Variants in PLXNB1 observed in about 807,000 individuals in gnomAD.
PLXNB1 encodes the protein plexin B1, also known as plexin-B1.
A neutral mutation model predicts 209.4 loss-of-function variants in PLXNB1; 106 were observed. That is an observed-to-expected ratio of 0.51 (90% CI 0.43 to 0.59). The LOEUF is 0.59. Ranked by LOEUF, PLXNB1 falls within the 20% of genes least tolerant of loss-of-function variation. PLXNB1 has a pLI of 0.00. For missense variants in PLXNB1, 2,357 were observed against 2,853.2 expected (o/e 0.83, Z 3.96); for synonymous variants, 1,167 against 1,183.2 (o/e 0.99, Z 0.28).
chr3:48,422,914 G>A lies in PLXNB1; in HGVS notation c.1141C>T (p.His381Tyr). The change falls in exon 4 of 38, where the codon CAC (histidine) becomes TAC (tyrosine). Residue 381 changes from histidine to tyrosine, a missense_variant. Around this residue, in one of 7 missense-constraint regions of PLXNB1, gnomAD observed 404 missense variants for 443.6 expected, o/e 0.91. Transcript: ENST00000296440. The stretch of plus-strand genomic sequence containing the variant: ...CGGCTGGCCATGGGGCTGGGCGTGT[G>A]GTCTGAGCCACAGGGATAAGCATCC... ...TLDAYPCGSD[H>Y]TPSPMASRVP... is the part of the protein sequence containing the mutation. 6.2e-7 allele frequency: 1 copy of A among 1,613,974 alleles called. No homozygotes were observed. Among genetic ancestry groups the A allele is most frequent in the South Asian group, 1.1e-5 (1 of 91,068 alleles).
intron 1 of PLXNB1, among the ~76,000 whole-genome samples, chr3:48,426,850 C>T (rs914474577): frequency 6.6e-6 from 1 of 152,208 alleles, no homozygotes; most frequent in African/African-American, 2.4e-5. Flanking sequence ...CAAGACCAGG[C>T]TGCCCAAGAG....
Position 48,420,872 on chromosome 3 carries a change from A to C in PLXNB1, c.1895T>G (p.Val632Gly), listed in dbSNP as rs1575404532. The C allele has an allele frequency of 6.2e-7, 1 of 1,614,026 alleles. No homozygotes were observed. The change falls in exon 9 of 38, where the codon GTC becomes GGC. Residue 632 changes from valine (V) to glycine (G), a missense_variant. Val to Gly is a moderately radical substitution (Grantham distance 109, BLOSUM62 -3). This residue lies in a region of PLXNB1 where 214 missense variants were observed against 297.1 expected (regional missense o/e 0.72). Transcript: ENST00000296440. Reference protein sequence around the residue: ...TSLSFYDCVAVTELRPSAQCQ... With the variant: ...TSLSFYDCVAGTELRPSAQCQ... ...CTGCGCAGATGGGCGGAGTTCAGTG[A>C]CCGCCACACAGTCATAGAAAGAGAG...
rs2038060635 is a variant in PLXNB1 at position 48,415,892 on chromosome 3, G to T, written c.3618-133C>A. The stretch of plus-strand genomic sequence containing the variant: ...TCCCTGGAGGTGCACTCCCACCACA[G>T]CTGGCTAGGGAGGGTCTGGCCACTC... On this transcript the variant is annotated intron_variant, in intron 18 of 37. Coordinates refer to ENST00000296440, the MANE Select transcript of PLXNB1 (RefSeq NM_001130082.3). This position sits in a 1 kb window ranked among gnomAD's most constrained non-coding sequence, Gnocchi z 5.0. 1.5e-6 allele frequency: 2 copies of T among 1,339,708 alleles called. No individual in the cohort carries two copies. Among genetic ancestry groups the T allele is most frequent in the Non-Finnish European group, 2.0e-6 (2 of 983,206 alleles). The allele number at this position is 1,339,708 out of a possible 1,614,324, so 83.0% of individuals were successfully genotyped here.
rs781383211 is a variant in PLXNB1, at chr3:48,419,224, G to A, written c.2832+20C>T. ...CAGCTAAGGAGGCTGCAAGGACAGC[G>A]GCAGGCAGGACACACTGACCTGGAA... is the stretch of plus-strand genomic sequence containing the variant. On this transcript the variant is annotated intron_variant, in intron 12 of 37. Transcript: ENST00000296440. The surrounding 1 kb of genome is among the most constrained non-coding windows in gnomAD (Gnocchi z 5.7). 41 of 1,549,128 alleles carry A rather than the reference G, an allele frequency of 2.6e-5. No individual in the cohort carries two copies. In the Middle Eastern group the frequency reaches 1.4e-3, roughly 53 times the overall value.
chr3:48,414,473 A>C (rs1255435216), intron 21 of PLXNB1, among the ~76,000 whole-genome samples: 1 of 152,208 alleles, frequency 6.6e-6, no homozygotes, highest in Non-Finnish European at 1.5e-5. Flanking sequence ...CATGTGAGCC[A>C]GGCTGCCAAC....
chr3:48,405,883 G>C lies in PLXNB1; in HGVS notation c.6229-85C>G. On this transcript the variant is annotated intron_variant, in intron 36 of 37. Transcript: ENST00000296440. The surrounding 1 kb of genome is among the most constrained non-coding windows in gnomAD (Gnocchi z 5.0). Reference sequence around the variant, plus strand: ...CAGCCCAGGACCCCAGGGAAGGGCTGGGGGAGAAGGGGACCTGAGAGGTAG... The same window carrying C: ...CAGCCCAGGACCCCAGGGAAGGGCTCGGGGAGAAGGGGACCTGAGAGGTAG... 1 of 1,015,882 alleles carries C rather than the reference G, an allele frequency of 9.8e-7. No individual in the cohort carries two copies. The highest frequency in any genetic ancestry group is 1.5e-6 in the Non-Finnish European group (1 of 654,738). 62.9% of individuals were successfully genotyped at this position (1,015,882 alleles called of 1,614,324 possible).
At position 48,429,647 on chromosome 3, in the gene PLXNB1, G is replaced by C. The variant is rs943820793; in HGVS notation, c.-60+361C>G. Among the ~76,000 whole-genome samples the C allele has an allele frequency of 2.6e-5, 4 of 151,902 alleles. No homozygotes were observed. Among genetic ancestry groups the C allele is most frequent in the Non-Finnish European group, 5.9e-5 (4 of 67,920 alleles). On this transcript the variant is annotated intron_variant, in intron 1 of 37. Transcript: ENST00000296440. The surrounding 1 kb of genome is among the most constrained non-coding windows in gnomAD (Gnocchi z 6.4). ...ACCCGACCCCTCCCGCACGGGGGAGGGCGGGGGCGGGCTGCACCGCGGCGG... is the reference window on the plus strand; with the variant it reads ...ACCCGACCCCTCCCGCACGGGGGAGCGCGGGGGCGGGCTGCACCGCGGCGG...
At position 48,413,885 on chromosome 3, in the gene PLXNB1, G is replaced by A; in HGVS notation, c.4386+10C>T. 6 of 1,607,022 alleles carry A rather than the reference G, an allele frequency of 3.7e-6. No homozygotes were observed. The highest frequency in any genetic ancestry group is 5.1e-6 in the Non-Finnish European group (6 of 1,175,208). On this transcript the variant is annotated intron_variant, in intron 22 of 37. Transcript: ENST00000296440. The surrounding 1 kb of genome is among the most constrained non-coding windows in gnomAD (Gnocchi z 5.4). ...CAATGCCCAGCCCGGCCAGGGACCT[G>A]CCCACTGACCGTGAACTCAGGCAAA...
Position 48,410,061 on chromosome 3 carries a change from C to A in PLXNB1, c.5622G>T (p.Glu1874Asp), listed in dbSNP as rs1267103058. 1.3e-6 allele frequency: 2 copies of A among 1,595,732 alleles called. No homozygotes were observed. The highest frequency in any genetic ancestry group is 2.7e-5 in the African/African-American group (2 of 74,504). ...YVPGERTPML[E>D]DVDEGGIRPW... ...GCCGGATGCCCCCCTCATCTACATC[C>A]TCCAGCATTGGGGTCCCTGTGCCAA... Residue 1874 changes from glutamate (E) to aspartate (D), a missense_variant, in exon 32 of 38, where the codon GAG becomes GAT. Glu to Asp is a conservative substitution (Grantham distance 45, BLOSUM62 2). This residue lies in a region of PLXNB1 where 414 missense variants were observed against 520.5 expected (regional missense o/e 0.80). Transcript: ENST00000296440. The surrounding 1 kb of genome is among the most constrained non-coding windows in gnomAD (Gnocchi z 6.4).
rs775701050 is a variant in PLXNB1, at chr3:48,423,599, T to C, written c.1013A>G (p.Asp338Gly). 1 of 1,614,224 alleles carries C rather than the reference T, an allele frequency of 6.2e-7. No individual in the cohort carries two copies. The highest frequency in any genetic ancestry group is 1.1e-5 in the South Asian group (1 of 91,090). ...EVDRLANRTR[D>G]ACYTREGRAE... ...ACGACCCTCCCGGGTGTAGCAGGCA[T>C]CTCGCGTGCGATTAGCAAGCCGGTC... The change falls in exon 3 of 38, where the codon GAT becomes GGT. Residue 338 changes from aspartate (D) to glycine (G), a missense_variant. Around this residue, in one of 7 missense-constraint regions of PLXNB1, gnomAD observed 404 missense variants for 443.6 expected, o/e 0.91. Transcript: ENST00000296440.
intron 34 of PLXNB1, among the ~76,000 whole-genome samples, chr3:48,407,810 T>C (rs1206952350): frequency 6.6e-6 from 1 of 152,098 alleles, no homozygotes; most frequent in Non-Finnish European, 1.5e-5. Flanking sequence ...CCAGGAACCA[T>C]TTGCTGTTCT....
rs751562831 is a variant in PLXNB1, at chr3:48,410,239, C to G, written c.5605+57G>C. 18 of 1,503,378 alleles carry G rather than the reference C, an allele frequency of 1.2e-5. No individual in the cohort carries two copies. Among genetic ancestry groups the G allele is most frequent in the Non-Finnish European group, 1.5e-5 (17 of 1,103,634 alleles). 93.1% of individuals were successfully genotyped at this position (1,503,378 alleles called of 1,614,324 possible). A position where few individuals can be genotyped will look rare whatever the true frequency, so the allele number is the denominator to read the frequency against. On this transcript the variant is annotated intron_variant, in intron 31 of 37. Transcript: ENST00000296440. The surrounding 1 kb of genome is among the most constrained non-coding windows in gnomAD (Gnocchi z 6.4). ...GCCCTGAGGCCCAGAGGACCTTCCCCATGACTCCGGGCTGGGCACAGCAGG... is the reference window on the plus strand; with the variant it reads ...GCCCTGAGGCCCAGAGGACCTTCCCGATGACTCCGGGCTGGGCACAGCAGG...
rs370895292 is a variant in PLXNB1 at position 48,420,196 on chromosome 3, G to A, written c.2090C>T (p.Ala697Val). ...RGGPSPSPPT[A>V]PKALATPAPD... ...AGCAGGGGTGGCCAGGGCTTTGGGG[G>A]CTGTGGGTGGGGAGGGGCTGGGTCC... The change falls in exon 11 of 38, where the codon GCC becomes GTC. Residue 697 changes from alanine to valine, a missense_variant. Around this residue, in one of 7 missense-constraint regions of PLXNB1, gnomAD observed 410 missense variants for 401.0 expected, o/e 1.02. Coordinates refer to ENST00000296440, the MANE Select transcript of PLXNB1 (RefSeq NM_001130082.3). 73 of 1,568,708 alleles carry A rather than the reference G, an allele frequency of 4.7e-5. No homozygotes were observed. In the African/African-American group the frequency reaches 9.6e-4, roughly 21 times the overall value.
chr3:48,407,155 A>C, intron 34 of PLXNB1, 64 bp from the exon 35 acceptor site: 1 of 1,449,466 alleles, frequency 6.9e-7, no homozygotes, highest in Non-Finnish European at 9.7e-7. Context: ...TGTTCGAGTG[A>C]TCAAGTGTCC....
At position 48,411,854 on chromosome 3, in the gene PLXNB1, C is replaced by A. The variant is rs1356029152; in HGVS notation, c.5247+9G>T. On this transcript the variant is annotated intron_variant, in intron 28 of 37. Coordinates refer to ENST00000296440, the MANE Select transcript of PLXNB1 (RefSeq NM_001130082.3). This position sits in a 1 kb window ranked among gnomAD's most constrained non-coding sequence, Gnocchi z 4.0. ...TCAGACTGCAGGCCACACACTTGCA[C>A]ACCCTCACCAGGGGACGGTACTCCA... 1 of 1,613,314 alleles carries A rather than the reference C, an allele frequency of 6.2e-7. No homozygotes were observed. The highest frequency in any genetic ancestry group is 1.7e-4 in the Middle Eastern group (1 of 5,938).
chr3:48,415,293 T>G lies in PLXNB1; in HGVS notation c.3849A>C (p.Pro1283=), dbSNP rs2038004527. 1 of 1,613,616 alleles carries G rather than the reference T, an allele frequency of 6.2e-7. No individual in the cohort carries two copies. The highest frequency in any genetic ancestry group is 1.1e-5 in the South Asian group (1 of 91,082). ...RGQNLDVVQT[P]RIRVTVVSRM... is the part of the protein sequence containing the mutation. ...TCGAGACCACGGTCACCCGGATTCT[T>G]GGCGTCTGTACCACGTCCAGATTCT... Residue 1283 remains proline, a synonymous_variant, in exon 20 of 38, where the codon CCA becomes CCC. Transcript: ENST00000296440. This position sits in a 1 kb window ranked among gnomAD's most constrained non-coding sequence, Gnocchi z 5.0.
At chr3:48,421,576 T>G (rs2038521423) in intron 7 of PLXNB1, 98 bp downstream of exon 7, 1 of 1,279,662 alleles carries the variant, frequency 7.8e-7, no homozygotes, top group Admixed American at 2.3e-5. Flanking sequence ...TGAGGCCATG[T>G]GGTATCTGGC....
rs1457999510 is a variant in PLXNB1, at chr3:48,414,046, G to A, written c.4235C>T (p.Ser1412Phe). The A allele has an allele frequency of 6.2e-7, 1 of 1,613,878 alleles. No homozygotes were observed. The highest frequency in any genetic ancestry group is 8.5e-7 in the Non-Finnish European group (1 of 1,179,932). ...VEGENLDLAM[S>F]KEEVVAMIGD... ...TATCATAGCCACCACCTCCTCCTTG[G>A]ACATTGCAAGGTCCAGGTTCTCCCC... Residue 1412 changes from serine (S) to phenylalanine (F), a missense_variant, in exon 22 of 38, where the codon TCC becomes TTC. By Grantham distance (155) the Ser-to-Phe change is radical (BLOSUM62 -2). Around this residue, in one of 7 missense-constraint regions of PLXNB1, gnomAD observed 743 missense variants for 896.2 expected, o/e 0.83. Coordinates refer to ENST00000296440, the MANE Select transcript of PLXNB1 (RefSeq NM_001130082.3).
chr3:48,428,043 C>T (rs1274204180), intron 1 of PLXNB1, among the ~76,000 whole-genome samples: 1 of 152,176 alleles, frequency 6.6e-6, no homozygotes, highest in African/African-American at 2.4e-5. Flanking sequence ...TCCTTGAAGG[C>T]AGGGAGTATG....
Sources: gnomAD v4.1 joint callset for allele counts (sites outside exome capture counted in the v4.1 genomes callset) on GRCh38, gnomAD v4.1.1 for gene constraint, gnomAD v4.1.1 regional missense constraint, Gnocchi (gnomAD v3.1) non-coding constraint, MANE v1.5 for transcripts, NCBI Gene and HGNC (gene_info 2026-07-23, HGNC 2026-07-21) for gene names.